The following SETDB1 variants were observed in gnomAD, a reference collection of about 807,000 sequenced individuals.
SETDB1 encodes the protein SET domain bifurcated histone lysine methyltransferase 1, also known as histone-lysine N-methyltransferase SETDB1.
In SETDB1, 31 loss-of-function variants were observed where a neutral mutation model predicts 137.4. The observed-to-expected ratio is 0.23, with a 90% confidence interval of 0.17 to 0.30. The LOEUF (loss-of-function observed/expected upper bound fraction) is 0.30. Among genes scored for constraint, SETDB1 ranks in the 10% least tolerant of loss-of-function variants. The pLI is 1.00. For missense variants in SETDB1, 1,113 were observed against 1,631.5 expected (o/e 0.68, Z 5.47); for synonymous variants, 548 against 579.9 (o/e 0.95, Z 0.79).
intron 6 of SETDB1, 42 bp from the exon 7 acceptor site, chr1:150,942,810 A>T (rs1270975469): frequency 1.2e-6 from 2 of 1,603,182 alleles, no homozygotes; most frequent in Admixed American, 3.3e-5. Flanking sequence ...TTATACAGAA[A>T]CTGGCAGTGT....
rs1455884099 is a variant in SETDB1, at chr1:150,951,106, G to C, written c.2216+16G>C. The C allele has an allele frequency of 6.3e-7, 1 of 1,594,382 alleles. No homozygotes were observed. Among genetic ancestry groups the C allele is most frequent in the East Asian group, 2.2e-5 (1 of 44,554 alleles). ...GTCGGGACAAGTGAGTTGGTGGGGG[G>C]AATTGCTGCCCCTGCTTCCAACTTT... On this transcript the variant is annotated intron_variant, in intron 13 of 21. Transcript: ENST00000692827.
At chr1:150,943,177 A>T in intron 7 of SETDB1, 124 bp downstream of exon 7, 2 of 653,714 alleles carry the variant, frequency 3.1e-6, no homozygotes, top group East Asian at 2.7e-5. Flanking sequence ...TGAAACCCTT[A>T]CTCTTTCTTT....
At chr1:150,944,160 T>TA (rs1670250257) in intron 8 of SETDB1, 167 bp downstream of exon 8, 1 of 616,474 alleles carries the variant, frequency 1.6e-6, no homozygotes, top group Non-Finnish European at 2.9e-6. Context: ...CCAAAAGAGA[T>TA]ACAGTTTTAT....
intron 12 of SETDB1, 74 bp downstream of exon 12, chr1:150,949,599 G>T: frequency 7.5e-7 from 1 of 1,334,878 alleles, no homozygotes; most frequent in South Asian, 1.3e-5. Context: ...TTCCTTGGCT[G>T]TAAGCGAAGG....
intron 13 of SETDB1, 38 bp from the exon 14 acceptor site, chr1:150,951,327 C>A: frequency 7.0e-7 from 1 of 1,421,890 alleles, no homozygotes; most frequent in Non-Finnish European, 9.9e-7. Context: ...GTTCTCTGAT[C>A]CCCCCGCTCC....
chr1:150,926,936 T>C, intron 1 of SETDB1: 1 of 464,914 alleles, frequency 2.2e-6, no homozygotes, highest in Non-Finnish European at 4.4e-6. Context: ...GGAAGCAAAG[T>C]AATATAAGGG....
chr1:150,934,120 T>G (rs1669870986), intron 3 of SETDB1, among the ~76,000 whole-genome samples: 1 of 151,994 alleles, frequency 6.6e-6, no homozygotes, highest in Non-Finnish European at 1.5e-5. Context: ...TAAAAGGGGT[T>G]GCATCTGTAC....
intron 2 of SETDB1, among the ~76,000 whole-genome samples, chr1:150,928,862 G>C (rs1669629052): frequency 6.6e-6 from 1 of 151,496 alleles, no homozygotes; most frequent in African/African-American, 2.4e-5. Context: ...TTCTGTCCTT[G>C]CTATAGTTTG....
rs761541312 is a variant in SETDB1 at position 150,964,530 on chromosome 1, A to G, written c.*166A>G. 4.5e-5 allele frequency: 32 copies of G among 708,078 alleles called. No individual in the cohort carries two copies. The highest frequency in any genetic ancestry group is 2.7e-4 in the East Asian group (10 of 37,298). 43.9% of individuals were successfully genotyped at this position (708,078 alleles called of 1,614,324 possible). ...AGATGATCCCTTCCAATGTGGTGCT[A>G]GCAGGCAGGATCCCTTCTCCACCTC... On this transcript the variant is annotated 3_prime_UTR_variant, in exon 22 of 22. Coordinates refer to ENST00000692827, the MANE Select transcript of SETDB1 (RefSeq NM_001366418.1).
chr1:150,941,530 A>C, intron 5 of SETDB1, 102 bp downstream of exon 5: 1 of 693,214 alleles, frequency 1.4e-6, no homozygotes, highest in Non-Finnish European at 2.6e-6. Context: ...TGCCAGACTC[A>C]GTATCCTTAG....
At chr1:150,929,629 G>A (rs1351874887) in intron 2 of SETDB1, among the ~76,000 whole-genome samples, 1 of 151,960 alleles carries the variant, frequency 6.6e-6, no homozygotes. Context: ...TGATCTACCT[G>A]CCTCAGCCTC....
Position 150,927,797 on chromosome 1 carries a change from C to A in SETDB1, c.83C>A (p.Ala28Glu). 6.2e-7 allele frequency: 1 copy of A among 1,614,158 alleles called. No homozygotes were observed. Among genetic ancestry groups the A allele is most frequent in the East Asian group, 2.2e-5 (1 of 44,884 alleles). Residue 28 changes from alanine (A) to glutamate (E), a missense_variant, in exon 2 of 22, where the codon GCA (alanine) becomes GAA (glutamate). Ala to Glu is a moderately radical substitution (Grantham distance 107). Around this residue, in one of 11 missense-constraint regions of SETDB1, gnomAD observed 3 missense variants for 16.4 expected, o/e 0.18. Coordinates refer to ENST00000692827, the MANE Select transcript of SETDB1 (RefSeq NM_001366418.1). ...GAAGAGATTGCAGAGCTGCAACAGG[C>A]AGTGGTTGAGGAACTGGGTATCTCT... Reference protein sequence around the residue: ...ESEEIAELQQAVVEELGISME... With the variant: ...ESEEIAELQQEVVEELGISME...
rs371414805 is a variant in SETDB1 at position 150,961,221 on chromosome 1, A to G, written c.3132+30A>G. On this transcript the variant is annotated intron_variant, in intron 16 of 21. Transcript: ENST00000692827. ...GCAGTGGCAGAACACTCTGAGAGCT[A>G]TGGCTTTAACTTTGGTGCAGTAACA... The G allele has an allele frequency of 1.7e-4, 270 of 1,606,084 alleles. No homozygotes were observed. In the African/African-American group the frequency reaches 3.2e-3, roughly 19 times the overall value.
intron 14 of SETDB1, among the ~76,000 whole-genome samples, chr1:150,955,790 C>G (rs1670617769): frequency 6.6e-6 from 1 of 152,176 alleles, no homozygotes; most frequent in Non-Finnish European, 1.5e-5. Context: ...CAATGCCTGG[C>G]ACATAGTAAT....
rs1307353524 is a variant in SETDB1 at position 150,929,983 on chromosome 1, G to A, written c.277G>A (p.Glu93Lys). 1.2e-6 allele frequency: 2 copies of A among 1,613,558 alleles called. No homozygotes were observed. Among genetic ancestry groups the A allele is most frequent in the African/African-American group, 2.7e-5 (2 of 74,990 alleles). The part of the protein sequence containing the change: ...DDASRAVTNC[E>K]SLVKDFYSKL... The stretch of plus-strand genomic sequence containing the variant: ...CAATATTAGGGCAGTGACTAATTGT[G>A]AGTCTTTGGTGAAGGACTTCTACTC... Residue 93 changes from glutamate (E) to lysine (K), a missense_variant, in exon 3 of 22, where the codon GAG becomes AAG. By Grantham distance (56) the Glu-to-Lys change is moderately conservative (BLOSUM62 1). Around this residue, in one of 11 missense-constraint regions of SETDB1, gnomAD observed 159 missense variants for 188.6 expected, o/e 0.84. Coordinates refer to ENST00000692827, the MANE Select transcript of SETDB1 (RefSeq NM_001366418.1).
intron 9 of SETDB1, 58 bp from the exon 10 acceptor site, chr1:150,946,828 C>T: frequency 6.3e-7 from 1 of 1,590,134 alleles, no homozygotes. Flanking sequence ...CTACACAGGA[C>T]AGGATAGATT....
rs773137921 is a variant in SETDB1 at position 150,960,857 on chromosome 1, G to A, written c.2798G>A (p.Arg933Gln). The change falls in exon 16 of 22, where the codon CGG becomes CAG. Residue 933 changes from arginine (R) to glutamine (Q), a missense_variant. Arg to Gln is a conservative substitution (Grantham distance 43). Transcript: ENST00000692827. ...WRSYATRRQT[R>Q]GQKENGLSET... ...AGCTATGCTACCCGGAGGCAGACCC[G>A]GGGCCAGAAAGAGAACGGACTCTCT... is the stretch of plus-strand genomic sequence containing the variant. 6.2e-7 allele frequency: 1 copy of A among 1,605,830 alleles called. No individual in the cohort carries two copies. The highest frequency in any genetic ancestry group is 8.5e-7 in the Non-Finnish European group (1 of 1,175,666).
rs970734146 is a variant in SETDB1 at position 150,964,460 on chromosome 1, C to G, written c.*96C>G. ...CCCTGACCCGAAGTCTCTGGGCTAGCTACTCCCCCCAGCTCCTAGTTGATA... is the reference window on the plus strand; with the variant it reads ...CCCTGACCCGAAGTCTCTGGGCTAGGTACTCCCCCCAGCTCCTAGTTGATA... On this transcript the variant is annotated 3_prime_UTR_variant, in exon 22 of 22. Coordinates refer to ENST00000692827, the MANE Select transcript of SETDB1 (RefSeq NM_001366418.1). The G allele has an allele frequency of 1.2e-6, 1 of 843,956 alleles. No homozygotes were observed. Among genetic ancestry groups the G allele is most frequent in the African/African-American group, 1.7e-5 (1 of 59,558 alleles). The allele number at this position is 843,956 out of a possible 1,614,324, so 52.3% of individuals were successfully genotyped here.
chr1:150,933,761 CTTTTTCTTTTTCTTTTTCTTTTTT>C (rs1669848165), intron 3 of SETDB1, among the ~76,000 whole-genome samples: 1 of 113,390 alleles, frequency 8.8e-6, no homozygotes, highest in Non-Finnish European at 1.9e-5. Context: ...TTTTCTTTTT[CTTTTTCTTTTTCTTTTTCTTTTTT>C]TTTTTTTTTT....
Sources: gnomAD v4.1 joint callset for allele counts (sites outside exome capture counted in the v4.1 genomes callset) on GRCh38, gnomAD v4.1.1 for gene constraint, gnomAD v4.1.1 regional missense constraint, MANE v1.5 for transcripts, NCBI Gene and HGNC (gene_info 2026-07-23, HGNC 2026-07-21) for gene names.